Variants in MIPOL1 observed in about 807,000 individuals in gnomAD.
MIPOL1 encodes mirror-image polydactyly gene 1 protein.
Under a neutral mutation model 60.9 loss-of-function variants are expected in MIPOL1, and 57 were observed. That is an observed-to-expected ratio of 0.94 (90% CI 0.76 to 1.17). MIPOL1 has a LOEUF of 1.17. Among genes scored for constraint, MIPOL1 ranks in the 50% most tolerant of loss-of-function variants. MIPOL1 has a pLI of 0.00. For synonymous variants in MIPOL1, 179 were observed against 168.8 expected (o/e 1.06, Z -0.47); for missense variants, 551 against 511.6 (o/e 1.08, Z -0.74).
intron 7 of MIPOL1, among the ~76,000 whole-genome samples, chr14:37,304,918 A>G (rs1029112500): frequency 6.6e-6 from 1 of 151,848 alleles, no homozygotes; most frequent in Non-Finnish European, 1.5e-5. Context: ...TCTTTTGTCT[A>G]ATTGTGAACC....
intron 11 of MIPOL1, among the ~76,000 whole-genome samples, chr14:37,486,117 A>G (rs907033886): frequency 9.2e-5 from 14 of 152,098 alleles, no homozygotes; most frequent in African/African-American, 2.4e-4. Flanking sequence ...GTTTTTGTCA[A>G]GTTTGTCAAA....
chr14:37,275,500 A>C (rs927991138), intron 6 of MIPOL1, among the ~76,000 whole-genome samples: 1 of 151,300 alleles, frequency 6.6e-6, no homozygotes, highest in Non-Finnish European at 1.5e-5. Context: ...ATTTGCTCTT[A>C]TATCAGTGAT....
rs369533340 is a variant in MIPOL1 at position 37,258,900 on chromosome 14, G to GA, written c.20-8028dup. ...ACCACTTTAAATAGCTGTTTTATCT[G>GA]AAAAAAAAAAGAATAAAATTTCAGT... is the stretch of plus-strand genomic sequence containing the variant. On this transcript the variant is annotated intron_variant, in intron 3 of 12. Coordinates refer to ENST00000684589, the MANE Select transcript of MIPOL1 (RefSeq NM_001388067.1). Among the ~76,000 whole-genome samples, 311 of 145,822 alleles carry GA rather than the reference G, an allele frequency of 2.1e-3. 1 individual carries two copies. The highest frequency in any genetic ancestry group is 7.1e-3 in the Middle Eastern group (2 of 280).
At chr14:37,401,330 T>G (rs2093477052) in intron 10 of MIPOL1, 1 of 152,012 alleles carries the variant, frequency 6.6e-6, no homozygotes, top group South Asian at 2.1e-4. Context: ...AATGACTGAG[T>G]AGAATAAGTA....
intron 11 of MIPOL1, among the ~76,000 whole-genome samples, chr14:37,470,671 C>T (rs562075674): frequency 6.6e-6 from 1 of 151,886 alleles, no homozygotes; most frequent in Non-Finnish European, 1.5e-5. Context: ...TTTATAGTAA[C>T]GTGATAACAG....
At chr14:37,528,546 A>G (rs565061484) in intron 12 of MIPOL1, among the ~76,000 whole-genome samples, 2 of 152,244 alleles carry the variant, frequency 1.3e-5, no homozygotes, top group African/African-American at 4.8e-5. Flanking sequence ...AGTATATGGA[A>G]AAGAGAGAAA....
intron 7 of MIPOL1, among the ~76,000 whole-genome samples, chr14:37,285,925 A>G (rs1223572968): frequency 6.6e-6 from 1 of 152,226 alleles, no homozygotes. Context: ...TTGGCATGCT[A>G]GTTTGCCTGT....
chr14:37,209,797 G>C (rs1019199306), intron 1 of MIPOL1, among the ~76,000 whole-genome samples: 3 of 152,010 alleles, frequency 2.0e-5, no homozygotes, highest in Admixed American at 6.5e-5. Context: ...TTGACCTCCT[G>C]GGCTCAAGCA....
intron 12 of MIPOL1, among the ~76,000 whole-genome samples, chr14:37,543,898 C>T (rs2095538467): frequency 6.6e-6 from 1 of 152,082 alleles, no homozygotes. Context: ...TAAAAAAATA[C>T]AATATACCAA....
intron 9 of MIPOL1, among the ~76,000 whole-genome samples, chr14:37,347,581 A>G (rs188902708): frequency 1.2e-4 from 19 of 152,338 alleles, no homozygotes; most frequent in Non-Finnish European, 1.8e-4. Context: ...CATCTTTAAC[A>G]AGCACAAAGA....
At chr14:37,329,416 G>A (rs1050259379) in intron 9 of MIPOL1, among the ~76,000 whole-genome samples, 1 of 152,120 alleles carries the variant, frequency 6.6e-6, no homozygotes, top group Non-Finnish European at 1.5e-5. Flanking sequence ...AATAATTTGA[G>A]TCTGAAGTCT....
At chr14:37,444,130 A>G (rs1000877299) in intron 11 of MIPOL1, among the ~76,000 whole-genome samples, 3 of 152,286 alleles carry the variant, frequency 2.0e-5, no homozygotes, top group Admixed American at 2.0e-4. Flanking sequence ...AACTGCTTTT[A>G]TTTGCAGATG....
At chr14:37,344,706 A>G (rs778856868) in intron 9 of MIPOL1, among the ~76,000 whole-genome samples, 1 of 152,074 alleles carries the variant, frequency 6.6e-6, no homozygotes, top group African/African-American at 2.4e-5. Flanking sequence ...CTTCTTATCT[A>G]TTGTTTGATT....
chr14:37,461,408 C>T (rs1421253343), intron 11 of MIPOL1, among the ~76,000 whole-genome samples: 1 of 152,152 alleles, frequency 6.6e-6, no homozygotes, highest in Non-Finnish European at 1.5e-5. Flanking sequence ...AGACCCTCCC[C>T]TATAATTCAG....
At chr14:37,335,126 A>G (rs1000649524) in intron 9 of MIPOL1, among the ~76,000 whole-genome samples, 2 of 152,064 alleles carry the variant, frequency 1.3e-5, no homozygotes, top group African/African-American at 4.8e-5. Flanking sequence ...TTCCACCAAC[A>G]ATTTATGAAG....
intron 6 of MIPOL1, chr14:37,277,567 G>A (rs1594865838): frequency 6.6e-6 from 1 of 151,138 alleles, no homozygotes; most frequent in East Asian, 1.9e-4. Flanking sequence ...GTAATCGAGG[G>A]TTTTTTAAAA....
intron 12 of MIPOL1, among the ~76,000 whole-genome samples, chr14:37,546,663 G>T (rs1386667782): frequency 6.6e-6 from 1 of 151,710 alleles, no homozygotes; most frequent in African/African-American, 2.4e-5. Context: ...TATAAATTTT[G>T]TGTGGCATCT....
chr14:37,524,291 G>A (rs1042189545), intron 12 of MIPOL1, among the ~76,000 whole-genome samples: 3 of 152,198 alleles, frequency 2.0e-5, no homozygotes, highest in Non-Finnish European at 4.4e-5. Flanking sequence ...ACTTGGATGT[G>A]GGGTGGGGGA....
intron 9 of MIPOL1, among the ~76,000 whole-genome samples, chr14:37,315,859 G>A (rs1043527863): frequency 6.6e-6 from 1 of 152,048 alleles, no homozygotes; most frequent in African/African-American, 2.4e-5. Flanking sequence ...AAAGAGAAGA[G>A]GGGCTAAGAC....
Sources: allele counts gnomAD v4.1 joint callset (sites outside exome capture counted in the v4.1 genomes callset), GRCh38; gene constraint gnomAD v4.1.1; transcripts MANE v1.5; gene names NCBI Gene and HGNC (gene_info 2026-07-23, HGNC 2026-07-21).